AK7: variants seen among roughly 807,000 people sequenced by gnomAD.
AK7 encodes the protein ATP-AMP transphosphorylase 7.
In AK7, 78 loss-of-function variants were observed where a neutral mutation model predicts 96.6. That is an observed-to-expected ratio of 0.81 (90% CI 0.67 to 0.97). AK7 has a LOEUF of 0.97. AK7 is among the 50% of genes least tolerant of loss of function. The pLI, the probability that AK7 is intolerant of heterozygous loss-of-function variation, is 0.00. For synonymous variants in AK7, 302 were observed against 317.2 expected, an observed-to-expected ratio of 0.95 and a Z score of 0.51; for missense variants, 855 against 887.9, an observed-to-expected ratio of 0.96 and a Z score of 0.47.
chr14:96,486,923 G>A lies in AK7; in HGVS notation c.2000G>A (p.Arg667Lys). Residue 667 changes from arginine (R) to lysine (K), a missense_variant, in exon 17 of 18, where the codon AGA (arginine) becomes AAA (lysine). Coordinates refer to ENST00000267584, the MANE Select transcript of AK7 (RefSeq NM_152327.5). ...EWNKRLEEVKREERELLEAQS... is the reference protein window; with the variant it reads ...EWNKRLEEVKKEERELLEAQS... The stretch of plus-strand genomic sequence containing the variant: ...AATAAACGACTGGAGGAAGTGAAAA[G>A]AGAAGAAAGAGAATTACTGGAGGCT... 6.2e-7 allele frequency: 1 copy of A among 1,613,948 alleles called. No individual in the cohort carries two copies. The highest frequency in any genetic ancestry group is 8.5e-7 in the Non-Finnish European group (1 of 1,179,902).
At chr14:96,398,022 C>T in intron 1 of AK7, 53 bp from the exon 2 acceptor site, 1 of 1,552,634 alleles carries the variant, frequency 6.4e-7, no homozygotes, top group Non-Finnish European at 8.8e-7. Context: ...CATTCACTGG[C>T]CCCCTGACTC....
At chr14:96,450,082 T>G (rs1893501556) in intron 9 of AK7, among the ~76,000 whole-genome samples, 2 of 152,034 alleles carry the variant, frequency 1.3e-5, no homozygotes, top group Admixed American at 6.6e-5. Flanking sequence ...ACTCTTGTCT[T>G]CAGTTGTCTT....
chr14:96,443,026 G>A (rs1893043166), intron 7 of AK7, among the ~76,000 whole-genome samples: 1 of 152,086 alleles, frequency 6.6e-6, no homozygotes, highest in African/African-American at 2.4e-5. Context: ...CTACATTTCT[G>A]GTGACAAGTT....
chr14:96,430,242 GT>G (rs1892274177), intron 5 of AK7, among the ~76,000 whole-genome samples: 2 of 148,446 alleles, frequency 1.3e-5, no homozygotes, highest in African/African-American at 5.0e-5. Context: ...CTGGAGTGCA[GT>G]GGTGCTATCT....
In AK7 at chr14:96,486,891, A is replaced by G. The variant is rs1210591633; in HGVS notation, c.1975-7A>G. ...CATTTACTTTACCACCAAATATTCT[A>G]TTTTAGAATAAACGACTGGAGGAAG... On this transcript the variant is annotated splice_region_variant and splice_polypyrimidine_tract_variant and intron_variant, in intron 16 of 17. Transcript: ENST00000267584. 1.2e-6 allele frequency: 2 copies of G among 1,606,982 alleles called. No individual in the cohort carries two copies. Among genetic ancestry groups the G allele is most frequent in the Non-Finnish European group, 1.7e-6 (2 of 1,175,862 alleles).
chr14:96,408,746 C>A, intron 3 of AK7, 101 bp from the exon 4 acceptor site: 1 of 978,482 alleles, frequency 1.0e-6, no homozygotes, highest in Middle Eastern at 2.1e-4. Context: ...GTAACAGCAC[C>A]CTGGTGTTAA....
chr14:96,450,047 C>T (rs1566792168), intron 9 of AK7, among the ~76,000 whole-genome samples, 168 bp downstream of exon 9: 1 of 152,068 alleles, frequency 6.6e-6, no homozygotes, highest in Non-Finnish European at 1.5e-5. Context: ...ACCACACCAC[C>T]AGATATTCTA....
At position 96,419,789 on chromosome 14, in the gene AK7, C is replaced by CT. The variant is rs5810772; in HGVS notation, c.499-1017dup. The stretch of plus-strand genomic sequence containing the variant: ...TAAAGCATTTTTTTTTCTTTCTTTT[C>CT]TTTTTTTTTTTTTTTTGAGACAAAG... On this transcript the variant is annotated intron_variant, in intron 4 of 17. Coordinates refer to ENST00000267584, the MANE Select transcript of AK7 (RefSeq NM_152327.5). Among the ~76,000 whole-genome samples, 272 of 134,082 alleles carry CT rather than the reference C, an allele frequency of 2.0e-3. 3 individuals are homozygous for CT. Among genetic ancestry groups the CT allele is most frequent in the South Asian group, 0.01 (47 of 4,486 alleles). The allele number at this position is 134,082 out of a possible 152,430, so 88.0% of individuals were successfully genotyped here. A position where few individuals can be genotyped will look rare whatever the true frequency, so the allele number is the denominator to read the frequency against.
intron 1 of AK7, among the ~76,000 whole-genome samples, chr14:96,393,498 G>A (rs1324144259): frequency 6.6e-6 from 1 of 152,156 alleles, no homozygotes; most frequent in African/African-American, 2.4e-5. Context: ...AAGCTCCAGG[G>A]GAAGAACTGT....
intron 4 of AK7, among the ~76,000 whole-genome samples, chr14:96,414,635 G>T (rs554529783): frequency 2.6e-5 from 4 of 152,312 alleles, no homozygotes; most frequent in African/African-American, 9.6e-5. Context: ...TCCAGTGCAG[G>T]GCCTGGGGAA....
chr14:96,402,092 C>T (rs532738111), intron 2 of AK7, among the ~76,000 whole-genome samples: 15 of 151,890 alleles, frequency 9.9e-5, no homozygotes, highest in African/African-American at 2.7e-4. Context: ...ATTTGTACAA[C>T]GGCTTCATAT....
At chr14:96,486,577 C>T (rs907885163) in intron 16 of AK7, among the ~76,000 whole-genome samples, 1 of 151,396 alleles carries the variant, frequency 6.6e-6, no homozygotes, top group African/African-American at 2.4e-5. Flanking sequence ...TGGCTGTATG[C>T]TGAGCAAAGA....
At chr14:96,449,170 A>G (rs900821888) in intron 8 of AK7, among the ~76,000 whole-genome samples, 3 of 152,106 alleles carry the variant, frequency 2.0e-5, no homozygotes, top group Admixed American at 1.3e-4. Flanking sequence ...CCCAGCTCCT[A>G]CTACCATCAG....
At chr14:96,484,320 T>G (rs1424406832) in intron 16 of AK7, among the ~76,000 whole-genome samples, 2 of 152,124 alleles carry the variant, frequency 1.3e-5, no homozygotes, top group Non-Finnish European at 2.9e-5. Context: ...GGGCAGTGTT[T>G]CTCATCCGAA....
At chr14:96,450,850 C>T (rs1430570384) in intron 9 of AK7, among the ~76,000 whole-genome samples, 1 of 147,256 alleles carries the variant, frequency 6.8e-6, no homozygotes, top group East Asian at 2.0e-4. Context: ...TCTCGGCTCA[C>T]TGCAAGTTCC....
intron 12 of AK7, among the ~76,000 whole-genome samples, chr14:96,465,012 T>TAA (rs1566803029): frequency 6.6e-6 from 1 of 152,232 alleles, no homozygotes; most frequent in African/African-American, 2.4e-5. Context: ...TGGATCCAAC[T>TAA]GTACCCTAGA....
chr14:96,486,909 G>A lies in AK7; in HGVS notation c.1986G>A (p.Leu662=). 6.2e-7 allele frequency: 1 copy of A among 1,613,638 alleles called. No individual in the cohort carries two copies. Reference sequence around the variant, plus strand: ...ATATTCTATTTTAGAATAAACGACTGGAGGAAGTGAAAAGAGAAGAAAGAG... The same window carrying A: ...ATATTCTATTTTAGAATAAACGACTAGAGGAAGTGAAAAGAGAAGAAAGAG... The part of the protein sequence containing the change: ...IARWEEWNKR[L]EEVKREEREL... The change falls in exon 17 of 18, where the codon CTG becomes CTA. Residue 662 remains leucine, a synonymous_variant. Transcript: ENST00000267584.
chr14:96,441,656 A>AG (rs1025727987), intron 6 of AK7, among the ~76,000 whole-genome samples: 9 of 151,486 alleles, frequency 5.9e-5, no homozygotes, highest in East Asian at 1.9e-4. Flanking sequence ...AAAAAAAAAA[A>AG]AAAAAAGAAA....
chr14:96,473,172 ATTTTTTT>A (rs112108415), intron 14 of AK7, among the ~76,000 whole-genome samples: 1 of 137,104 alleles, frequency 7.3e-6, no homozygotes, highest in African/African-American at 2.7e-5. Context: ...TGCCCAGCTA[ATTTTTTT>A]TTTTTTTTTG....
Sources: allele counts gnomAD v4.1 joint callset (sites outside exome capture counted in the v4.1 genomes callset), GRCh38; gene constraint gnomAD v4.1.1; transcripts MANE v1.5; gene names NCBI Gene and HGNC (gene_info 2026-07-23, HGNC 2026-07-21).